Variants in DLC1 observed in about 807,000 individuals in gnomAD.
DLC1 encodes the protein rho GTPase-activating protein 7.
DLC1 carries 54 observed loss-of-function variants against 140.3 expected under a neutral mutation model. The observed-to-expected ratio is 0.38, with a 90% confidence interval of 0.31 to 0.48. The LOEUF (loss-of-function observed/expected upper bound fraction) is 0.48, where lower values mean the gene tolerates loss of function less well. Among genes scored for constraint, DLC1 ranks in the 20% least tolerant of loss-of-function variants. The pLI is 0.96. For missense variants in DLC1, 2,536 were observed against 1,907.0 expected (o/e 1.33, Z -6.14); for synonymous variants, 986 against 728.1 (o/e 1.35, Z -5.70).
rs558304480 is a variant in DLC1 at position 13,279,489 on chromosome 8, T to C, written c.1348+25780A>G. On this transcript the variant is annotated intron_variant, in intron 5 of 17. Coordinates refer to ENST00000276297, the MANE Select transcript of DLC1 (RefSeq NM_182643.3). ...CTTTTTCAAAGGAAACCTCATGGCA[T>C]AAATGTAAATTTTCTTGGCAGAGTA... Among the ~76,000 whole-genome samples the C allele has an allele frequency of 2.5e-4, 38 of 152,332 alleles. 1 individual carries two copies. The highest frequency in any genetic ancestry group is 1.4e-3 in the South Asian group (7 of 4,830).
At position 13,092,753 on chromosome 8, in the gene DLC1, A is replaced by G; in HGVS notation, c.3599T>C (p.Val1200Ala). Reference sequence around the variant, plus strand: ...CAGGAAATAAAGCAGGGTCTGCAGAACCTCCCGGTTCTCGTCAGGCAGCAG... The same window carrying G: ...CAGGAAATAAAGCAGGGTCTGCAGAGCCTCCCGGTTCTCGTCAGGCAGCAG... ...IMLLPDENREVLQTLLYFLSD... is the reference protein window; with the variant it reads ...IMLLPDENREALQTLLYFLSD... Residue 1200 changes from valine (V) to alanine (A), a missense_variant, in exon 13 of 18, where the codon GTT (valine) becomes GCT (alanine). Val to Ala is a moderately conservative substitution (Grantham distance 64). Transcript: ENST00000276297. 6.2e-7 allele frequency: 1 copy of G among 1,613,686 alleles called. No individual in the cohort carries two copies. The highest frequency in any genetic ancestry group is 8.5e-7 in the Non-Finnish European group (1 of 1,179,960).
intron 1 of DLC1, among the ~76,000 whole-genome samples, chr8:13,508,315 C>G (rs1353784600): frequency 1.3e-5 from 2 of 152,188 alleles, no homozygotes; most frequent in Non-Finnish European, 2.9e-5. Flanking sequence ...TTATGATATT[C>G]TCCTGATATC....
intron 1 of DLC1, among the ~76,000 whole-genome samples, chr8:13,555,917 T>A (rs1394808992): frequency 2.6e-5 from 4 of 152,128 alleles, no homozygotes; most frequent in African/African-American, 9.7e-5. Context: ...ACTTTCTAAA[T>A]GTTTAAAGGT....
At chr8:13,256,295 C>T (rs1284034189) in intron 5 of DLC1, among the ~76,000 whole-genome samples, 1 of 152,174 alleles carries the variant, frequency 6.6e-6, no homozygotes, top group Admixed American at 6.5e-5. Flanking sequence ...TAAATTATTG[C>T]AAGAACAATG....
chr8:13,281,229 G>A (rs1343050726), intron 5 of DLC1, among the ~76,000 whole-genome samples: 1 of 152,160 alleles, frequency 6.6e-6, no homozygotes, highest in African/African-American at 2.4e-5. Context: ...TTGTTAATCT[G>A]CTTCTACATT....
At chr8:13,177,597 A>G (rs905068360) in intron 5 of DLC1, among the ~76,000 whole-genome samples, 1 of 152,224 alleles carries the variant, frequency 6.6e-6, no homozygotes, top group African/African-American at 2.4e-5. Context: ...CAACCACTCT[A>G]TCGAGTGGAA....
At chr8:13,460,585 C>G (rs1421135009) in intron 2 of DLC1, among the ~76,000 whole-genome samples, 1 of 152,164 alleles carries the variant, frequency 6.6e-6, no homozygotes, top group Non-Finnish European at 1.5e-5. Flanking sequence ...GAGAGTGAAG[C>G]TGTGGTAGTA....
chr8:13,582,691 T>C (rs752467835), intron 1 of DLC1, among the ~76,000 whole-genome samples: 3 of 151,480 alleles, frequency 2.0e-5, no homozygotes, highest in Non-Finnish European at 4.4e-5. Flanking sequence ...CTTCCATATA[T>C]ATATATATTT....
intron 4 of DLC1, among the ~76,000 whole-genome samples, chr8:13,329,242 T>C (rs748809790): frequency 2.6e-5 from 4 of 152,200 alleles, no homozygotes; most frequent in Non-Finnish European, 5.9e-5. Context: ...CAAGTATTAC[T>C]TTCTGGATTT....
chr8:13,567,653 T>C, intron 1 of DLC1: 1 of 1,551,816 alleles, frequency 6.4e-7, no homozygotes, highest in Admixed American at 2.0e-5. Flanking sequence ...AAGAAGACTT[T>C]ACTGGAGTCA....
At chr8:13,297,366 A>G (rs1201424098) in intron 5 of DLC1, among the ~76,000 whole-genome samples, 2 of 150,116 alleles carry the variant, frequency 1.3e-5, no homozygotes, top group Non-Finnish European at 3.0e-5. Context: ...GAAAGAGAAT[A>G]AATAATTTGG....
At chr8:13,286,689 A>C (rs1465505804) in intron 5 of DLC1, among the ~76,000 whole-genome samples, 1 of 151,850 alleles carries the variant, frequency 6.6e-6, no homozygotes, top group Admixed American at 6.6e-5. Context: ...CTGATAGCCA[A>C]AAACCTTTTC....
At chr8:13,212,539 T>C (rs528383863) in intron 5 of DLC1, among the ~76,000 whole-genome samples, 17 of 152,288 alleles carry the variant, frequency 1.1e-4, no homozygotes, top group South Asian at 1.0e-3. Flanking sequence ...GTTTTGGTAT[T>C]GCTCTGGGCA....
chr8:13,600,551 C>G (rs978799358), intron 1 of DLC1, among the ~76,000 whole-genome samples: 1 of 151,756 alleles, frequency 6.6e-6, no homozygotes, highest in African/African-American at 2.4e-5. Flanking sequence ...CATCTTCACC[C>G]AAATCACAAT....
chr8:13,397,768 T>C (rs1452785561), intron 3 of DLC1, among the ~76,000 whole-genome samples: 1 of 150,754 alleles, frequency 6.6e-6, no homozygotes, highest in African/African-American at 2.4e-5. Flanking sequence ...CCCAGGAGTT[T>C]GAGGCCACAG....
chr8:13,099,425 A>C lies in DLC1; in HGVS notation c.2912T>G (p.Leu971Arg). The C allele has an allele frequency of 1.9e-6, 3 of 1,614,100 alleles. No homozygotes were observed. Among genetic ancestry groups the C allele is most frequent in the South Asian group, 2.2e-5 (2 of 91,070 alleles). The stretch of plus-strand genomic sequence containing the variant: ...CTCGGAGGGCTCTTCCGGTTCATTC[A>C]GGGAGTTGCCTGTGCTGTCCAGGTC... ...PSDLDSTGNS[L>R]NEPEEPSEIP... Residue 971 changes from leucine (L) to arginine (R), a missense_variant, in exon 9 of 18, where the codon CTG (leucine) becomes CGG (arginine). Coordinates refer to ENST00000276297, the MANE Select transcript of DLC1 (RefSeq NM_182643.3).
At chr8:13,468,339 TTCCCCTCCCCTCCCC>T (rs769649730) in intron 2 of DLC1, among the ~76,000 whole-genome samples, 1 of 59,926 alleles carries the variant, frequency 1.7e-5, no homozygotes, top group African/African-American at 5.3e-5. Context: ...CTTCCCCCCA[TTCCCCTCCCCTCCCC>T]TCCCCTCCCC....
intron 5 of DLC1, among the ~76,000 whole-genome samples, chr8:13,218,222 C>A (rs1489583968): frequency 6.6e-6 from 1 of 151,978 alleles, no homozygotes. Flanking sequence ...TACCTTACAC[C>A]GTATACAAAA....
chr8:13,476,559 C>A (rs927863167), intron 2 of DLC1, among the ~76,000 whole-genome samples: 2 of 151,464 alleles, frequency 1.3e-5, no homozygotes, highest in Non-Finnish European at 2.9e-5. Flanking sequence ...GGGAGCTAAC[C>A]AGGCAGGATG....
Sources: gnomAD v4.1 joint callset for allele counts (sites outside exome capture counted in the v4.1 genomes callset) on GRCh38, gnomAD v4.1.1 for gene constraint, MANE v1.5 for transcripts, NCBI Gene and HGNC (gene_info 2026-07-23, HGNC 2026-07-21) for gene names.